PNKD: variants seen among roughly 807,000 people sequenced by gnomAD.
PNKD encodes probable thioesterase PNKD.
PNKD carries 36 observed loss-of-function variants against 45.3 expected under a neutral mutation model. That is an observed-to-expected ratio of 0.80 (90% confidence interval 0.61 to 1.05). The LOEUF (loss-of-function observed/expected upper bound fraction) is 1.05, where lower values mean the gene tolerates loss of function less well. Among genes scored for constraint, PNKD ranks in the 50% least tolerant of loss-of-function variants. The pLI is 0.00. For missense variants in PNKD, 511 were observed against 506.6 expected (o/e 1.01, Z -0.08); for synonymous variants, 197 against 210.1 (o/e 0.94, Z 0.54).
chr2:218,331,523 C>T lies in PNKD; in HGVS notation c.237-8260C>T, dbSNP rs192463469. On this transcript the variant is annotated intron_variant, in intron 2 of 9. Coordinates refer to ENST00000273077, the MANE Select transcript of PNKD (RefSeq NM_015488.5). ...TCTTGCTCTGTCACCCAGGCTGGAGCGCAGTGGCACAATCTTGGCTCACTG... is the reference window on the plus strand; with the variant it reads ...TCTTGCTCTGTCACCCAGGCTGGAGTGCAGTGGCACAATCTTGGCTCACTG... 4.5e-3 allele frequency among the ~76,000 whole-genome samples: 677 copies of T among 152,048 alleles called. 4 individuals are homozygous for T. Among genetic ancestry groups the T allele is most frequent in the African/African-American group, 0.015 (640 of 41,504 alleles).
At chr2:218,315,863 T>C (rs1279669557) in intron 2 of PNKD, among the ~76,000 whole-genome samples, 2 of 152,244 alleles carry the variant, frequency 1.3e-5, no homozygotes, top group Non-Finnish European at 1.5e-5. Flanking sequence ...ATTGCAGTAA[T>C]GCTGCATAAG....
intron 7 of PNKD, 119 bp from the exon 8 acceptor site, chr2:218,343,379 GCA>G: frequency 1.2e-6 from 1 of 817,608 alleles, no homozygotes; most frequent in Non-Finnish European, 2.1e-6. Context: ...TCTGGAAAGT[GCA>G]CAGTCAGGGC....
At chr2:218,278,390 A>G (rs1006722138) in intron 2 of PNKD, 1 of 1,005,828 alleles carries the variant, frequency 9.9e-7, no homozygotes, top group Non-Finnish European at 1.5e-6. Flanking sequence ...TGTCATCGTC[A>G]TCCTCCTCCT....
chr2:218,289,401 G>A (rs1692775099), intron 2 of PNKD, among the ~76,000 whole-genome samples: 2 of 152,098 alleles, frequency 1.3e-5, no homozygotes, highest in African/African-American at 4.8e-5. Flanking sequence ...CAGCACTTTG[G>A]GAGGCCGAGC....
At chr2:218,279,552 T>A (rs1030469334) in intron 2 of PNKD, 43 of 531,778 alleles carry the variant, frequency 8.1e-5, no homozygotes, top group Non-Finnish European at 9.9e-6. Flanking sequence ...CCCTGCCATC[T>A]CCCCTCCTGT....
intron 2 of PNKD, among the ~76,000 whole-genome samples, chr2:218,302,830 T>C (rs1180369357): frequency 6.6e-6 from 1 of 151,964 alleles, no homozygotes; most frequent in Non-Finnish European, 1.5e-5. Flanking sequence ...GCAGAATGTA[T>C]GTGTGTGTTG....
intron 2 of PNKD, among the ~76,000 whole-genome samples, chr2:218,314,133 G>C (rs1161568653): frequency 6.6e-6 from 1 of 151,102 alleles, no homozygotes. Context: ...ATGTTGGTCA[G>C]GCTGGTCTCA....
chr2:218,323,061 G>A, intron 2 of PNKD: 2 of 776,118 alleles, frequency 2.6e-6, no homozygotes, highest in Non-Finnish European at 3.5e-6. Context: ...GCGGAGCCAG[G>A]CCGCCCCCCA....
chr2:218,278,082 T>C (rs1369570116), intron 2 of PNKD: 5 of 1,319,436 alleles, frequency 3.8e-6, no homozygotes, highest in Non-Finnish European at 5.3e-6. Context: ...GATTAAGCCT[T>C]GACTCCAAGG....
chr2:218,298,802 T>C (rs1047383714), intron 2 of PNKD, among the ~76,000 whole-genome samples: 1 of 152,166 alleles, frequency 6.6e-6, no homozygotes, highest in Non-Finnish European at 1.5e-5. Context: ...TCCTCGTCCA[T>C]CTTGGGCTTC....
intron 2 of PNKD, chr2:218,273,026 A>G: frequency 9.8e-7 from 1 of 1,025,342 alleles, no homozygotes; most frequent in Non-Finnish European, 1.3e-6. Flanking sequence ...TCCCTCTCAC[A>G]GAGCTCAGTG....
Position 218,303,307 on chromosome 2 carries a change from T to C in PNKD, c.236+31758T>C, listed in dbSNP as rs552441528. On this transcript the variant is annotated intron_variant, in intron 2 of 9. Coordinates refer to ENST00000273077, the MANE Select transcript of PNKD (RefSeq NM_015488.5). Reference sequence around the variant, plus strand: ...TGGCAGAGGAGGGAGTCCATTCAGATGGCTGAGGTGAGGGGGCATTGAATT... The same window carrying C: ...TGGCAGAGGAGGGAGTCCATTCAGACGGCTGAGGTGAGGGGGCATTGAATT... Among the ~76,000 whole-genome samples, 10 of 152,218 alleles carry C rather than the reference T, an allele frequency of 6.6e-5. No individual in the cohort carries two copies. The South Asian group carries it at 1.9e-3, about 28-fold the overall frequency.
At chr2:218,270,704 A>G in intron 1 of PNKD, 102 bp downstream of exon 1, 1 of 431,020 alleles carries the variant, frequency 2.3e-6, no homozygotes. Context: ...GTTCCTCCCC[A>G]CACTTTTCTG....
intron 2 of PNKD, chr2:218,317,952 C>T (rs1693860556): frequency 6.6e-6 from 1 of 152,266 alleles, no homozygotes; most frequent in East Asian, 1.9e-4. Flanking sequence ...AACATTTAAA[C>T]AGCTCCAACC....
intron 2 of PNKD, among the ~76,000 whole-genome samples, chr2:218,288,473 T>G (rs1015061597): frequency 6.6e-6 from 1 of 152,132 alleles, no homozygotes; most frequent in African/African-American, 2.4e-5. Context: ...GGGAACCACT[T>G]AGAGTAGTTG....
rs1284117476 is a variant in PNKD at position 218,339,770 on chromosome 2, A to G, written c.237-13A>G. The G allele has an allele frequency of 6.4e-7, 1 of 1,567,870 alleles. No homozygotes were observed. Among genetic ancestry groups the G allele is most frequent in the East Asian group, 2.2e-5 (1 of 44,602 alleles). On this transcript the variant is annotated splice_polypyrimidine_tract_variant and intron_variant, in intron 2 of 9. Transcript: ENST00000273077. ...AGAAAAGGCTAATCATAGGCCACCC[A>G]CTCGCCCTCTAGGTACAGCCTGTAC...
intron 2 of PNKD, among the ~76,000 whole-genome samples, chr2:218,296,049 T>C (rs1056100983): frequency 5.3e-5 from 8 of 152,048 alleles, no homozygotes; most frequent in African/African-American, 1.9e-4. Context: ...GGTTTTGCCA[T>C]GTTGCCCAGG....
At chr2:218,279,929 A>G in intron 2 of PNKD, 1 of 885,552 alleles carries the variant, frequency 1.1e-6, no homozygotes, top group Non-Finnish European at 1.9e-6. Flanking sequence ...AGTGTATTTC[A>G]TGGAATTGAT....
chr2:218,275,591 C>G (rs1303541940), intron 2 of PNKD: 1 of 1,613,526 alleles, frequency 6.2e-7, no homozygotes, highest in Non-Finnish European at 8.5e-7. Context: ...TTCCGGTTCC[C>G]CAGGACCAGC....
Sources: allele counts gnomAD v4.1 joint callset (sites outside exome capture counted in the v4.1 genomes callset), GRCh38; gene constraint gnomAD v4.1.1; transcripts MANE v1.5; gene names NCBI Gene and HGNC (gene_info 2026-07-23, HGNC 2026-07-21).